The following GDF11 variants were observed in gnomAD, a reference collection of about 807,000 sequenced individuals.
GDF11 encodes growth differentiation factor 11, also known as growth/differentiation factor 11.
GDF11 carries 12 observed loss-of-function variants against 34.4 expected under a neutral mutation model. The observed-to-expected ratio is 0.35, with a 90% CI of 0.22 to 0.57. The LOEUF is 0.57. Among genes scored for constraint, GDF11 ranks in the 20% least tolerant of loss-of-function variants. GDF11 has a pLI of 0.86. For missense variants in GDF11, 346 were observed against 548.2 expected, an observed-to-expected ratio of 0.63 and a Z score of 3.68; for synonymous variants, 212 against 231.1, an observed-to-expected ratio of 0.92 and a Z score of 0.75.
rs1878351279 is a variant in GDF11, at chr12:55,752,392, A to C, written c.*2510A>C. Reference sequence around the variant, plus strand: ...TGTGTGTGGTGGGTGGGGGGGGGGCAGGGGTCTTTCTCTTATGAACATAAA... The same window carrying C: ...TGTGTGTGGTGGGTGGGGGGGGGGCCGGGGTCTTTCTCTTATGAACATAAA... On this transcript the variant is annotated 3_prime_UTR_variant, in exon 3 of 3. Coordinates refer to ENST00000257868, the MANE Select transcript of GDF11 (RefSeq NM_005811.5). The C allele has an allele frequency of 1.4e-5, 2 of 141,624 alleles. No individual in the cohort carries two copies. Among genetic ancestry groups the C allele is most frequent in the Admixed American group, 7.4e-5 (1 of 13,478 alleles). 8.8% of individuals were successfully genotyped at this position (141,624 alleles called of 1,614,324 possible). A position where few individuals can be genotyped will look rare whatever the true frequency, so the allele number is the denominator to read the frequency against.
In GDF11 at chr12:55,753,502, G is replaced by A. The variant is rs559092915; in HGVS notation, c.*3620G>A. ...TAAGGAAAGCTGGCTGGGCGCAGTGGCTTACATCTGTAATCCCAGCACTTT... is the reference window on the plus strand; with the variant it reads ...TAAGGAAAGCTGGCTGGGCGCAGTGACTTACATCTGTAATCCCAGCACTTT... On this transcript the variant is annotated 3_prime_UTR_variant, in exon 3 of 3. Transcript: ENST00000257868. The A allele has an allele frequency of 1.3e-5, 2 of 152,258 alleles. No homozygotes were observed. The highest frequency in any genetic ancestry group is 4.8e-5 in the African/African-American group (2 of 41,538). 9.4% of individuals were successfully genotyped at this position (152,258 alleles called of 1,614,324 possible).
chr12:55,748,771 G>A lies in GDF11; in HGVS notation c.631G>A (p.Gly211Arg), dbSNP rs756577208. 5.0e-6 allele frequency: 8 copies of A among 1,614,240 alleles called. No homozygotes were observed. In the South Asian group the frequency reaches 7.7e-5, roughly 16 times the overall value. ...KPLTGEGTAG[G>R]GGGGRRHIRI... ...CCTAACTGGGGAAGGGACCGCAGGG[G>A]GAGGGGGCGGAGGCCGGCGTCACAT... The change falls in exon 2 of 3, where the codon GGA becomes AGA. Residue 211 changes from glycine (G) to arginine (R), a missense_variant. This residue lies in a region of GDF11 where 205 missense variants were observed against 311.3 expected (regional missense o/e 0.66). Coordinates refer to ENST00000257868, the MANE Select transcript of GDF11 (RefSeq NM_005811.5). The surrounding 1 kb of genome is among the most constrained non-coding windows in gnomAD (Gnocchi z 5.6).
chr12:55,743,870 C>A, intron 1 of GDF11, 109 bp downstream of exon 1: 1 of 886,642 alleles, frequency 1.1e-6, no homozygotes, highest in Non-Finnish European at 1.6e-6. Flanking sequence ...GAAGCTTTTT[C>A]TGCGAAAACT....
rs775654641 is a variant in GDF11 at position 55,749,775 on chromosome 12, A to G, written c.1117A>G (p.Thr373Ala). The change falls in exon 3 of 3, where the codon ACC (threonine) becomes GCC (alanine). Residue 373 changes from threonine (T) to alanine (A), a missense_variant. Thr to Ala is a moderately conservative substitution (Grantham distance 58). This residue lies in a region of GDF11 where 205 missense variants were observed against 311.3 expected (regional missense o/e 0.66). Coordinates refer to ENST00000257868, the MANE Select transcript of GDF11 (RefSeq NM_005811.5). This position sits in a 1 kb window ranked among gnomAD's most constrained non-coding sequence, Gnocchi z 5.6. The part of the protein sequence containing the change: ...NPRGSAGPCC[T>A]PTKMSPINML... ...AAGAGGCTCTGCTGGGCCCTGTTGT[A>G]CCCCCACCAAGATGTCCCCAATCAA... is the stretch of plus-strand genomic sequence containing the variant. 4.3e-6 allele frequency: 7 copies of G among 1,613,936 alleles called. No individual in the cohort carries two copies. The South Asian group carries it at 7.7e-5, about 18-fold the overall frequency.
intron 1 of GDF11, among the ~76,000 whole-genome samples, chr12:55,745,703 A>G (rs1878167544): frequency 6.6e-6 from 1 of 151,922 alleles, no homozygotes; most frequent in Admixed American, 6.6e-5. Flanking sequence ...GTTTGTCAGC[A>G]GAGATGGCCT....
chr12:55,743,281 C>G lies in GDF11; in HGVS notation c.-36C>G. 3.2e-6 allele frequency: 2 copies of G among 620,546 alleles called. No individual in the cohort carries two copies. The highest frequency in any genetic ancestry group is 4.0e-6 in the Non-Finnish European group (2 of 499,566). 38.4% of individuals were successfully genotyped at this position (620,546 alleles called of 1,614,324 possible). A position where few individuals can be genotyped will look rare whatever the true frequency, so the allele number is the denominator to read the frequency against. On this transcript the variant is annotated 5_prime_UTR_variant, in exon 1 of 3. Transcript: ENST00000257868. Reference sequence around the variant, plus strand: ...CCCCCTCCCCGCGGGACTCCGGCGTCCCCGCCCCCCAGTCCTCCCTCCCCT... The same window carrying G: ...CCCCCTCCCCGCGGGACTCCGGCGTGCCCGCCCCCCAGTCCTCCCTCCCCT...
Position 55,753,294 on chromosome 12 carries a change from G to C in GDF11, c.*3412G>C, listed in dbSNP as rs1353973158. 1 of 152,174 alleles carries C rather than the reference G, an allele frequency of 6.6e-6. No individual in the cohort carries two copies. Among genetic ancestry groups the C allele is most frequent in the African/African-American group, 2.4e-5 (1 of 41,428 alleles). The allele number at this position is 152,174 out of a possible 1,614,324, so 9.4% of individuals were successfully genotyped here. A position where few individuals can be genotyped will look rare whatever the true frequency, so the allele number is the denominator to read the frequency against. The stretch of plus-strand genomic sequence containing the variant: ...TTCCTAGGTTTCCTCAACGAAGTTT[G>C]ACAAAAATCTAAACCAACATAGCCA... On this transcript the variant is annotated 3_prime_UTR_variant, in exon 3 of 3. Coordinates refer to ENST00000257868, the MANE Select transcript of GDF11 (RefSeq NM_005811.5).
Position 55,749,035 on chromosome 12 carries a change from T to G in GDF11, c.843+52T>G. 1 of 1,489,680 alleles carries G rather than the reference T, an allele frequency of 6.7e-7. No individual in the cohort carries two copies. 92.3% of individuals were successfully genotyped at this position (1,489,680 alleles called of 1,614,324 possible). On this transcript the variant is annotated intron_variant, in intron 2 of 2. Coordinates refer to ENST00000257868, the MANE Select transcript of GDF11 (RefSeq NM_005811.5). The surrounding 1 kb of genome is among the most constrained non-coding windows in gnomAD (Gnocchi z 5.6). ...TATGTGTAACCTGGCCCTGAGGAGA[T>G]AGGGTTACATTGGAAAAGGTAGACA...
Position 55,755,842 on chromosome 12 carries a change from G to A in GDF11, c.*5960G>A, listed in dbSNP as rs965208451. On this transcript the variant is annotated 3_prime_UTR_variant, in exon 3 of 3. Coordinates refer to ENST00000257868, the MANE Select transcript of GDF11 (RefSeq NM_005811.5). ...GGAAAACACTGTTCAAAGATCTAGG[G>A]GAAGTAAGATGAGTGAGGAGAATAA... The A allele has an allele frequency of 6.6e-6, 1 of 152,122 alleles. No homozygotes were observed. Among genetic ancestry groups the A allele is most frequent in the Non-Finnish European group, 1.5e-5 (1 of 68,024 alleles). The allele number at this position is 152,122 out of a possible 1,614,324, so 9.4% of individuals were successfully genotyped here.
chr12:55,747,922 C>T (rs980179568), intron 1 of GDF11, among the ~76,000 whole-genome samples: 12 of 152,216 alleles, frequency 7.9e-5, no homozygotes, highest in Non-Finnish European at 2.9e-5. Flanking sequence ...GATGGAGCAG[C>T]AGCTGAAGAA....
rs1258041435 is a variant in GDF11 at position 55,749,523 on chromosome 12, G to A, written c.865G>A (p.Val289Ile). The A allele has an allele frequency of 1.2e-6, 2 of 1,611,616 alleles. No individual in the cohort carries two copies. The highest frequency in any genetic ancestry group is 1.6e-4 in the Middle Eastern group (1 of 6,078). Residue 289 changes from valine (V) to isoleucine (I), a missense_variant, in exon 3 of 3, where the codon GTC (valine) becomes ATC (isoleucine). Val to Ile is a conservative substitution (Grantham distance 29). This residue lies in a region of GDF11 where 205 missense variants were observed against 311.3 expected (regional missense o/e 0.66). Coordinates refer to ENST00000257868, the MANE Select transcript of GDF11 (RefSeq NM_005811.5). The surrounding 1 kb of genome is among the most constrained non-coding windows in gnomAD (Gnocchi z 5.6). Reference protein sequence around the residue: ...EGLHPFMELRVLENTKRSRRN... With the variant: ...EGLHPFMELRILENTKRSRRN... ...TCAGCATCCATTCATGGAGCTTCGA[G>A]TCCTAGAGAACACAAAACGTTCCCG...
intron 1 of GDF11, among the ~76,000 whole-genome samples, chr12:55,745,687 G>A (rs1403283385): frequency 2.0e-5 from 3 of 151,908 alleles, no homozygotes; most frequent in East Asian, 1.9e-4. Flanking sequence ...GCTAATCGGG[G>A]GAGGTGTTTG....
chr12:55,747,650 A>C lies in GDF11; in HGVS notation c.446-936A>C, dbSNP rs141750126. 5.3e-3 allele frequency among the ~76,000 whole-genome samples: 811 copies of C among 152,338 alleles called. 8 individuals carry two copies. Among genetic ancestry groups the C allele is most frequent in the African/African-American group, 0.019 (778 of 41,568 alleles). ...AGGCAGAGGCAGATATTTATTGAGA[A>C]TCATCTATTAGACCCAAGAAGGATC... On this transcript the variant is annotated intron_variant, in intron 1 of 2. Coordinates refer to ENST00000257868, the MANE Select transcript of GDF11 (RefSeq NM_005811.5).
intron 1 of GDF11, 149 bp downstream of exon 1, chr12:55,743,910 TAGA>T (rs1878122066): frequency 1.6e-6 from 1 of 644,554 alleles, no homozygotes; most frequent in Non-Finnish European, 2.6e-6. Context: ...GGCTACTTCA[TAGA>T]AGTTTTCCGA....
At position 55,743,716 on chromosome 12, in the gene GDF11, G is replaced by A. The variant is rs1878115732; in HGVS notation, c.400G>A (p.Glu134Lys). ...LQPEDFLEED[E>K]YHATTETVIS... ...GCCCGAGGACTTCCTGGAGGAGGAC[G>A]AGTACCACGCCACCACCGAGACCGT... Residue 134 changes from glutamate (E) to lysine (K), a missense_variant, in exon 1 of 3, where the codon GAG becomes AAG. Glu to Lys is a moderately conservative substitution (Grantham distance 56). Transcript: ENST00000257868. 6.3e-7 allele frequency: 1 copy of A among 1,582,156 alleles called. No individual in the cohort carries two copies.
At chr12:55,746,557 G>C (rs1264062022) in intron 1 of GDF11, among the ~76,000 whole-genome samples, 1 of 152,134 alleles carries the variant, frequency 6.6e-6, no homozygotes, top group African/African-American at 2.4e-5. Flanking sequence ...TTGTAGCACT[G>C]ACTGTCCCCT....
chr12:55,757,200 C>T lies in GDF11; in HGVS notation c.*7318C>T. 1 of 215,074 alleles carries T rather than the reference C, an allele frequency of 4.6e-6. No individual in the cohort carries two copies. The highest frequency in any genetic ancestry group is 9.2e-6 in the Non-Finnish European group (1 of 108,200). 13.3% of individuals were successfully genotyped at this position (215,074 alleles called of 1,614,324 possible). The stretch of plus-strand genomic sequence containing the variant: ...ATGGCCAATTCTCTATAATATTTGC[C>T]CCTGAAGCTCCCCTTATCTGGTCTA... On this transcript the variant is annotated 3_prime_UTR_variant, in exon 3 of 3. Transcript: ENST00000257868.
chr12:55,749,513 G>A lies in GDF11; in HGVS notation c.855G>A (p.Met285Ile). The change falls in exon 3 of 3, where the codon ATG becomes ATA. Residue 285 changes from methionine (M) to isoleucine (I), a missense_variant. Coordinates refer to ENST00000257868, the MANE Select transcript of GDF11 (RefSeq NM_005811.5). The surrounding 1 kb of genome is among the most constrained non-coding windows in gnomAD (Gnocchi z 5.6). ...GPGAEGLHPF[M>I]ELRVLENTKR... ...TCCCTGACCCTCAGCATCCATTCATGGAGCTTCGAGTCCTAGAGAACACAA... is the reference window on the plus strand; with the variant it reads ...TCCCTGACCCTCAGCATCCATTCATAGAGCTTCGAGTCCTAGAGAACACAA... The A allele has an allele frequency of 6.2e-7, 1 of 1,607,910 alleles. No homozygotes were observed. The highest frequency in any genetic ancestry group is 8.5e-7 in the Non-Finnish European group (1 of 1,175,160).
rs1225461080 is a variant in GDF11, at chr12:55,755,188, ACTC to A, written c.*5310_*5312del. 3 of 152,020 alleles carry A rather than the reference ACTC, an allele frequency of 2.0e-5. No homozygotes were observed. The highest frequency in any genetic ancestry group is 2.9e-5 in the Non-Finnish European group (2 of 68,016). The allele number at this position is 152,020 out of a possible 1,614,324, so 9.4% of individuals were successfully genotyped here. A position where few individuals can be genotyped will look rare whatever the true frequency, so the allele number is the denominator to read the frequency against. On this transcript the variant is annotated 3_prime_UTR_variant, in exon 3 of 3. Transcript: ENST00000257868. The stretch of plus-strand genomic sequence containing the variant: ...TTATCCTCCCTTAAGTTCCTCCCTC[ACTC>A]CTCATATCAGACACAGCAAGAGAAC...
Sources: gnomAD v4.1 joint callset for allele counts (sites outside exome capture counted in the v4.1 genomes callset) on GRCh38, gnomAD v4.1.1 for gene constraint, gnomAD v4.1.1 regional missense constraint, Gnocchi (gnomAD v3.1) non-coding constraint, MANE v1.5 for transcripts, NCBI Gene and HGNC (gene_info 2026-07-23, HGNC 2026-07-21) for gene names.